The following BDH1 variants were observed in gnomAD, a reference collection of about 807,000 sequenced individuals.
BDH1 encodes the protein D-beta-hydroxybutyrate dehydrogenase, mitochondrial.
BDH1 carries 30 observed loss-of-function variants against 33.1 expected under a neutral mutation model. The ratio of observed to expected loss-of-function variants is 0.91; its 90% CI spans 0.68 to 1.23. The LOEUF (loss-of-function observed/expected upper bound fraction) is 1.23, where lower values mean the gene tolerates loss of function less well. BDH1 is among the 50% of genes most tolerant of loss of function. The pLI is 0.00. For synonymous variants in BDH1, 190 were observed against 183.6 expected, an observed-to-expected ratio of 1.03 and a Z score of -0.28; for missense variants, 443 against 464.4, an observed-to-expected ratio of 0.95 and a Z score of 0.42.
At chr3:197,536,976 T>G (rs1046772438) in intron 3 of BDH1, among the ~76,000 whole-genome samples, 24 of 152,216 alleles carry the variant, frequency 1.6e-4, no homozygotes, top group African/African-American at 5.5e-4. Context: ...TTTTGTTTTG[T>G]TTTATTTTAT....
upstream of BDH1, among the ~76,000 whole-genome samples, chr3:197,558,834 A>G (rs11924432): frequency 1.3e-3 from 200 of 152,246 alleles, no homozygotes; most frequent in African/African-American, 4.7e-3. Flanking sequence ...GTCTCACAAC[A>G]CTGGCACCGC....
In BDH1 at chr3:197,521,279, A is replaced by G. The variant is rs577710088; in HGVS notation, c.409+1361T>C. On this transcript the variant is annotated intron_variant, in intron 6 of 7. Transcript: ENST00000392379. This position sits in a 1 kb window ranked among gnomAD's most constrained non-coding sequence, Gnocchi z 4.9. The stretch of plus-strand genomic sequence containing the variant: ...GGGCGGCCCGGCTCCAGGGAGCTCC[A>G]TCCCCCACTGCTGTATTCTACATGA... Among the ~76,000 whole-genome samples the G allele has an allele frequency of 4.6e-5, 7 of 152,218 alleles. No homozygotes were observed. The South Asian group carries it at 1.2e-3, about 27-fold the overall frequency.
intron 2 of BDH1, among the ~76,000 whole-genome samples, chr3:197,548,593 G>A (rs1309469440): frequency 6.6e-6 from 1 of 151,772 alleles, no homozygotes; most frequent in African/African-American, 2.4e-5. Context: ...GCTCACGCCT[G>A]TAATCCCAGC....
chr3:197,566,486 G>T (rs1297711712), intron 1 of BDH1, among the ~76,000 whole-genome samples: 1 of 152,104 alleles, frequency 6.6e-6, no homozygotes, highest in Admixed American at 6.5e-5. Context: ...ATCCATAGCT[G>T]GGCTCAGCTT....
Position 197,525,457 on chromosome 3 carries a change from T to C in BDH1, c.268-2676A>G, listed in dbSNP as rs1032607633. On this transcript the variant is annotated intron_variant, in intron 5 of 7. Transcript: ENST00000392379. The surrounding 1 kb of genome is among the most constrained non-coding windows in gnomAD (Gnocchi z 4.9). The stretch of plus-strand genomic sequence containing the variant: ...CATCACGACAAGGTCCCTGCAGTCC[T>C]CAGGGGAAACCCCCGACTCCAAGTC... Among the ~76,000 whole-genome samples, 12 of 152,212 alleles carry C rather than the reference T, an allele frequency of 7.9e-5. No homozygotes were observed. The highest frequency in any genetic ancestry group is 2.9e-4 in the African/African-American group (12 of 41,440).
At chr3:197,524,488 G>T (rs535747146) in intron 5 of BDH1, among the ~76,000 whole-genome samples, 1 of 152,338 alleles carries the variant, frequency 6.6e-6, no homozygotes, top group Non-Finnish European at 1.5e-5. Flanking sequence ...GGGCACAGGA[G>T]GAAATGGTGA....
At chr3:197,552,303 T>C (rs1351496807) in intron 2 of BDH1, among the ~76,000 whole-genome samples, 1 of 152,182 alleles carries the variant, frequency 6.6e-6, no homozygotes, top group Non-Finnish European at 1.5e-5. Flanking sequence ...CCTTCTTGCC[T>C]GGATTATTGC....
At chr3:197,569,247 T>C (rs527407247) in intron 1 of BDH1, among the ~76,000 whole-genome samples, 2 of 40,774 alleles carry the variant, frequency 4.9e-5, no homozygotes, top group African/African-American at 2.9e-4. Flanking sequence ...TGGAGTACAG[T>C]TTTTTTTTTC....
In BDH1 at chr3:197,535,809, C is replaced by T. The variant is rs1715105009; in HGVS notation, c.84-2248G>A. ...CCTGTAATCCCAGCGCTTTGGGAGG[C>T]TGAGGTGGGCAGATTGCTTGAGCTC... On this transcript the variant is annotated intron_variant, in intron 3 of 7. Transcript: ENST00000392379. 2.0e-5 allele frequency among the ~76,000 whole-genome samples: 3 copies of T among 152,046 alleles called. No homozygotes were observed. In the South Asian group the frequency reaches 6.2e-4, roughly 32 times the overall value.
intron 1 of BDH1, 98 bp downstream of exon 1, chr3:197,555,683 G>C (rs1716965895): frequency 6.6e-6 from 1 of 152,322 alleles, no homozygotes; most frequent in Admixed American, 6.5e-5. Flanking sequence ...CCGTATCCCG[G>C]CTTCGGAGCT....
intron 3 of BDH1, among the ~76,000 whole-genome samples, chr3:197,534,682 TAC>T (rs1335478164): frequency 9.9e-5 from 15 of 152,236 alleles, no homozygotes; most frequent in African/African-American, 1.9e-4. Flanking sequence ...TATAGTACGC[TAC>T]AGCCCCAGTG....
In BDH1 at chr3:197,522,473, G is replaced by A. The variant is rs897812849; in HGVS notation, c.409+167C>T. ...GTATTTTTCCATTGCCCTATTGCAC[G>A]TGTATGTTTAGTGTAATCCTCTTCC... is the stretch of plus-strand genomic sequence containing the variant. On this transcript the variant is annotated intron_variant, in intron 6 of 7. Transcript: ENST00000392379. The surrounding 1 kb of genome is among the most constrained non-coding windows in gnomAD (Gnocchi z 4.8). 2.6e-5 allele frequency among the ~76,000 whole-genome samples: 4 copies of A among 152,178 alleles called. No homozygotes were observed. The highest frequency in any genetic ancestry group is 2.1e-4 in the South Asian group (1 of 4,824).
At chr3:197,529,612 T>C (rs1714457254) in intron 5 of BDH1, 1 of 152,262 alleles carries the variant, frequency 6.6e-6, no homozygotes. Flanking sequence ...CTTTTTTACA[T>C]AATATACTTC....
chr3:197,544,556 C>T (rs191479887), intron 3 of BDH1, among the ~76,000 whole-genome samples: 16 of 152,342 alleles, frequency 1.1e-4, no homozygotes, highest in African/African-American at 3.8e-4. Context: ...CAGCAAGTCA[C>T]CTTCTTTCAA....
intron 3 of BDH1, chr3:197,538,462 C>T: frequency 2.3e-6 from 1 of 444,080 alleles, no homozygotes; most frequent in Non-Finnish European, 4.5e-6. Context: ...AGCGATTCTC[C>T]TGCCTCAGCC....
At position 197,539,675 on chromosome 3, in the gene BDH1, C is replaced by T. The variant is rs143720310; in HGVS notation, c.84-6114G>A. On this transcript the variant is annotated intron_variant, in intron 3 of 7. Coordinates refer to ENST00000392379, the MANE Select transcript of BDH1 (RefSeq NM_203314.3). ...CCTGCACTGGATGGATCAGCTGGCA[C>T]CACCCAGGTGGACAAACTGGCTCAT... Among the ~76,000 whole-genome samples, 610 of 152,376 alleles carry T rather than the reference C, an allele frequency of 4.0e-3. 6 individuals are homozygous for T. The highest frequency in any genetic ancestry group is 0.014 in the South Asian group (69 of 4,832).
intron 1 of BDH1, among the ~76,000 whole-genome samples, chr3:197,562,711 G>A (rs570725374): frequency 4.0e-5 from 6 of 151,630 alleles, no homozygotes; most frequent in East Asian, 1.9e-4. Flanking sequence ...AGCTCACATC[G>A]ATCCATGCAC....
chr3:197,516,060 G>A lies in BDH1; in HGVS notation c.410-1644C>T, dbSNP rs968496207. Among the ~76,000 whole-genome samples, 2 of 152,146 alleles carry A rather than the reference G, an allele frequency of 1.3e-5. No homozygotes were observed. The highest frequency in any genetic ancestry group is 4.8e-5 in the African/African-American group (2 of 41,434). On this transcript the variant is annotated intron_variant, in intron 6 of 7. Transcript: ENST00000392379. The surrounding 1 kb of genome is among the most constrained non-coding windows in gnomAD (Gnocchi z 4.2). Reference sequence around the variant, plus strand: ...CCCAGTCTTCACTCTCCTCAGGCTCGCTACGATATGAGTACTGCCAGTACT... The same window carrying A: ...CCCAGTCTTCACTCTCCTCAGGCTCACTACGATATGAGTACTGCCAGTACT...
At chr3:197,540,184 G>A (rs1361510772) in intron 3 of BDH1, among the ~76,000 whole-genome samples, 1 of 151,940 alleles carries the variant, frequency 6.6e-6, no homozygotes, top group Non-Finnish European at 1.5e-5. Flanking sequence ...CCAAGTAGCT[G>A]GGATTATTAT....
Sources: gnomAD v4.1 joint callset for allele counts (sites outside exome capture counted in the v4.1 genomes callset) on GRCh38, gnomAD v4.1.1 for gene constraint, Gnocchi (gnomAD v3.1) non-coding constraint, MANE v1.5 for transcripts, NCBI Gene and HGNC (gene_info 2026-07-23, HGNC 2026-07-21) for gene names.